Variants in YIPF4 observed in about 807,000 individuals in gnomAD.
YIPF4 encodes the protein Yip1 domain family member 4, also known as protein YIPF4.
YIPF4 carries 18 observed loss-of-function variants against 29.4 expected under a neutral mutation model. The ratio of observed to expected loss-of-function variants is 0.61; its 90% confidence interval spans 0.42 to 0.91. The LOEUF (loss-of-function observed/expected upper bound fraction) is 0.91, where lower values mean the gene tolerates loss of function less well. Among genes scored for constraint, YIPF4 ranks in the 40% least tolerant of loss-of-function variants. The probability of loss-of-function intolerance (pLI) is 0.00; values close to 1 mark genes in which losing one functional copy is unlikely to be tolerated. For missense variants in YIPF4, 279 were observed against 282.7 expected (o/e 0.99, Z 0.09); for synonymous variants, 115 against 104.7 (o/e 1.10, Z -0.60).
chr2:32,292,185 TG>T lies in YIPF4; in HGVS notation c.244del (p.Asp82ThrfsTer4). 6.7e-7 allele frequency: 1 copy of T among 1,489,638 alleles called. No individual in the cohort carries two copies. The highest frequency in any genetic ancestry group is 9.0e-7 in the Non-Finnish European group (1 of 1,114,442). The allele number at this position is 1,489,638 out of a possible 1,614,324, so 92.3% of individuals were successfully genotyped here. A position where few individuals can be genotyped will look rare whatever the true frequency, so the allele number is the denominator to read the frequency against. On this transcript the variant is annotated frameshift_variant, in exon 3 of 6. Coordinates refer to ENST00000238831, the MANE Select transcript of YIPF4 (RefSeq NM_032312.4). LOFTEE classifies it high-confidence loss of function. ...TTATTTTAAAATTATAGGGAAGAAT[TG>T]GACATTGATCTAAAGGATATTTACT... ...PEDNKPLLEE[L>X]DIDLKDIYYK... is the part of the protein sequence containing the mutation.
At chr2:32,297,060 C>A (rs995783065) in intron 3 of YIPF4, among the ~76,000 whole-genome samples, 1 of 151,926 alleles carries the variant, frequency 6.6e-6, no homozygotes, top group African/African-American at 2.4e-5. Context: ...TTCCTTCTTA[C>A]TTCACACAGT....
At chr2:32,288,197 C>A (rs915709433) in intron 1 of YIPF4, among the ~76,000 whole-genome samples, 4 of 152,000 alleles carry the variant, frequency 2.6e-5, no homozygotes, top group African/African-American at 9.7e-5. Context: ...TGTTGGCATT[C>A]CTACATATGT....
rs899027899 is a variant in YIPF4, at chr2:32,314,967, C to G, written c.*9341C>G. 1.3e-5 allele frequency: 2 copies of G among 152,038 alleles called. No homozygotes were observed. Among genetic ancestry groups the G allele is most frequent in the African/African-American group, 4.8e-5 (2 of 41,412 alleles). The allele number at this position is 152,038 out of a possible 1,614,324, so 9.4% of individuals were successfully genotyped here. ...TAGGAACATATTTGGTTGCAAGAAA[C>G]AAAAATTCCTGTGATTACTAGCTTC... On this transcript the variant is annotated 3_prime_UTR_variant, in exon 6 of 6. Coordinates refer to ENST00000238831, the MANE Select transcript of YIPF4 (RefSeq NM_032312.4).
At chr2:32,281,913 A>AAAAAT (rs1558472895) in intron 1 of YIPF4, among the ~76,000 whole-genome samples, 1 of 123,494 alleles carries the variant, frequency 8.1e-6, no homozygotes, top group Non-Finnish European at 1.7e-5. Context: ...AAAAAAAAAA[A>AAAAAT]AAGGCAACCA....
At chr2:32,290,797 G>C (rs1161089138) in intron 2 of YIPF4, 161 bp downstream of exon 2, 1 of 391,766 alleles carries the variant, frequency 2.6e-6, no homozygotes, top group Non-Finnish European at 4.2e-6. Context: ...ATAATAATGA[G>C]AGAATATTTT....
chr2:32,287,330 T>A (rs2030720657), intron 1 of YIPF4, among the ~76,000 whole-genome samples: 1 of 152,176 alleles, frequency 6.6e-6, no homozygotes, highest in African/African-American at 2.4e-5. Flanking sequence ...TGTTTTTGTT[T>A]CTGTGGCACA....
In YIPF4 at chr2:32,282,347, TA is replaced by T. The variant is rs572075774; in HGVS notation, c.79+4114del. 4.9e-3 allele frequency among the ~76,000 whole-genome samples: 744 copies of T among 152,368 alleles called. 6 individuals are homozygous for T. The highest frequency in any genetic ancestry group is 9.0e-3 in the Non-Finnish European group (609 of 68,028). ...CTTTCTTACATTTTTCTAAATTGTGTATCTGAAGTATGGAAGAGTCCTGGAT... is the reference window on the plus strand; with the variant it reads ...CTTTCTTACATTTTTCTAAATTGTGTTCTGAAGTATGGAAGAGTCCTGGAT... On this transcript the variant is annotated intron_variant, in intron 1 of 5. Transcript: ENST00000238831.
intron 1 of YIPF4, among the ~76,000 whole-genome samples, chr2:32,289,212 G>A (rs1331172187): frequency 6.6e-6 from 1 of 152,114 alleles, no homozygotes. Flanking sequence ...TGTTTAACCT[G>A]GAAAGAACTT....
At chr2:32,292,019 A>C (rs2030939721) in intron 2 of YIPF4, among the ~76,000 whole-genome samples, 158 bp from the exon 3 acceptor site, 1 of 152,242 alleles carries the variant, frequency 6.6e-6, no homozygotes, top group Non-Finnish European at 1.5e-5. Flanking sequence ...AAAAATGTAC[A>C]GCTTGGAATT....
In YIPF4 at chr2:32,306,795, C is replaced by T. The variant is rs2031595647; in HGVS notation, c.*1169C>T. The T allele has an allele frequency of 5.0e-6, 1 of 200,686 alleles. No individual in the cohort carries two copies. Among genetic ancestry groups the T allele is most frequent in the Non-Finnish European group, 9.0e-6 (1 of 111,598 alleles). 12.4% of individuals were successfully genotyped at this position (200,686 alleles called of 1,614,324 possible). The stretch of plus-strand genomic sequence containing the variant: ...TTTATGTCCATAAAATATCAAATGT[C>T]TGTTAACTATTAGCAAATTATTGTA... On this transcript the variant is annotated 3_prime_UTR_variant, in exon 6 of 6. Coordinates refer to ENST00000238831, the MANE Select transcript of YIPF4 (RefSeq NM_032312.4).
At position 32,285,037 on chromosome 2, in the gene YIPF4, A is replaced by C. The variant is rs1001557648; in HGVS notation, c.80-5446A>C. Among the ~76,000 whole-genome samples the C allele has an allele frequency of 2.6e-5, 4 of 152,282 alleles. 1 individual carries two copies. Among genetic ancestry groups the C allele is most frequent in the Admixed American group, 1.3e-4 (2 of 15,288 alleles). ...TGAAGAGTATGGATTGGAAGGAGAC[A>C]AGAATGACTGGGGGGAGGGCAGTTT... On this transcript the variant is annotated intron_variant, in intron 1 of 5. Transcript: ENST00000238831.
At position 32,305,824 on chromosome 2, in the gene YIPF4, G is replaced by C. The variant is rs566781668; in HGVS notation, c.*198G>C. 8.3e-7 allele frequency: 1 copy of C among 1,206,338 alleles called. No individual in the cohort carries two copies. Among genetic ancestry groups the C allele is most frequent in the African/African-American group, 1.6e-5 (1 of 63,752 alleles). The allele number at this position is 1,206,338 out of a possible 1,614,324, so 74.7% of individuals were successfully genotyped here. ...GCAGTTATCTGGGATTTTTGGGTCA[G>C]AATTTTAAATTCTGTTTGATTCTCC... On this transcript the variant is annotated 3_prime_UTR_variant, in exon 6 of 6. Coordinates refer to ENST00000238831, the MANE Select transcript of YIPF4 (RefSeq NM_032312.4).
At chr2:32,284,590 T>C (rs1465452666) in intron 1 of YIPF4, among the ~76,000 whole-genome samples, 1 of 152,196 alleles carries the variant, frequency 6.6e-6, no homozygotes. Context: ...ATTGTAAGTT[T>C]CCTAAGGCAT....
rs193255400 is a variant in YIPF4 at position 32,288,067 on chromosome 2, A to G, written c.80-2416A>G. 4.3e-3 allele frequency among the ~76,000 whole-genome samples: 656 copies of G among 152,210 alleles called. 2 individuals are homozygous for G. Among genetic ancestry groups the G allele is most frequent in the Non-Finnish European group, 7.2e-3 (491 of 68,010 alleles). ...TTAATTGTTTTTCTTGCTCTCTGAC[A>G]TCATTCTCCACTTGTTAACTTGATA... On this transcript the variant is annotated intron_variant, in intron 1 of 5. Transcript: ENST00000238831.
At chr2:32,282,399 C>T (rs976305885) in intron 1 of YIPF4, among the ~76,000 whole-genome samples, 2 of 152,190 alleles carry the variant, frequency 1.3e-5, no homozygotes, top group African/African-American at 4.8e-5. Flanking sequence ...ATCAATTACT[C>T]TCCATGTGAT....
chr2:32,278,286 C>A, intron 1 of YIPF4, 52 bp downstream of exon 1: 1 of 1,501,294 alleles, frequency 6.7e-7, no homozygotes, highest in Non-Finnish European at 9.0e-7. Context: ...CAGGGCCCGA[C>A]GCCGTAGGGT....
At chr2:32,285,654 T>C (rs984987811) in intron 1 of YIPF4, among the ~76,000 whole-genome samples, 1 of 151,230 alleles carries the variant, frequency 6.6e-6, no homozygotes, top group African/African-American at 2.4e-5. Context: ...CTTTAGTTTT[T>C]CCTTTTTTTT....
intron 1 of YIPF4, among the ~76,000 whole-genome samples, chr2:32,283,899 T>A (rs1032081721): frequency 5.9e-5 from 9 of 152,044 alleles, no homozygotes; most frequent in African/African-American, 1.7e-4. Context: ...TGTATTTTTT[T>A]AATAGAGACG....
chr2:32,289,218 A>G (rs1007186466), intron 1 of YIPF4, among the ~76,000 whole-genome samples: 4 of 152,208 alleles, frequency 2.6e-5, no homozygotes, highest in African/African-American at 9.6e-5. Context: ...ACCTGGAAAG[A>G]ACTTTGAATA....
Sources: gnomAD v4.1 joint callset for allele counts (sites outside exome capture counted in the v4.1 genomes callset) on GRCh38, gnomAD v4.1.1 for gene constraint, MANE v1.5 for transcripts, NCBI Gene and HGNC (gene_info 2026-07-23, HGNC 2026-07-21) for gene names.